The following ITGAE variants were observed in gnomAD, a reference collection of about 807,000 sequenced individuals.
The protein encoded by ITGAE is integrin alpha-E.
A neutral mutation model predicts 136.5 loss-of-function variants in ITGAE; 99 were observed. The observed-to-expected ratio is 0.73, with a 90% CI of 0.62 to 0.86. The LOEUF (loss-of-function observed/expected upper bound fraction) is 0.86, where lower values mean the gene tolerates loss of function less well. ITGAE is among the 40% of genes least tolerant of loss of function. The probability of loss-of-function intolerance (pLI) is 0.00; values close to 1 mark genes in which losing one functional copy is unlikely to be tolerated. For missense variants in ITGAE, 1,447 were observed against 1,515.3 expected (o/e 0.95, Z 0.75); for synonymous variants, 613 against 591.8 (o/e 1.04, Z -0.52).
At chr17:3,723,618 T>C (rs766740921) in intron 27 of ITGAE, 70 bp downstream of exon 27, 322 of 1,433,900 alleles carry the variant, frequency 2.2e-4, no homozygotes, top group Non-Finnish European at 2.9e-4. Context: ...GGAAAAACAG[T>C]CTCCTGGCCT....
chr17:3,739,165 C>T (rs1053982123), intron 20 of ITGAE, among the ~76,000 whole-genome samples: 1 of 152,168 alleles, frequency 6.6e-6, no homozygotes, highest in East Asian at 1.9e-4. Context: ...GTTCCCCTAC[C>T]TCCTCCAGTG....
chr17:3,777,530 C>T lies in ITGAE; in HGVS notation c.155+10G>A. The T allele has an allele frequency of 1.2e-6, 2 of 1,604,440 alleles. No homozygotes were observed. The highest frequency in any genetic ancestry group is 8.5e-7 in the Non-Finnish European group (1 of 1,174,344). On this transcript the variant is annotated intron_variant, in intron 2 of 30. Transcript: ENST00000263087. ...AGTCTGAAGGCCTCTTGCCCACCGG[C>T]CCTACTCACCAGGTCTGGTTGGTGC...
rs1166941829 is a variant in ITGAE at position 3,755,257 on chromosome 17, T to A, written c.1244A>T (p.Gln415Leu). 3 of 1,576,762 alleles carry A rather than the reference T, an allele frequency of 1.9e-6. No homozygotes were observed. Among genetic ancestry groups the A allele is most frequent in the Admixed American group, 1.8e-5 (1 of 55,760 alleles). ...GFSAQILDER[Q>L]VLLGAVGAFD... is the part of the protein sequence containing the mutation. ...GGCCCCGACGGCGCCGAGCAGCACC[T>A]GCCGCTGAAGGGGACGGGGATGGGG... Residue 415 changes from glutamine (Q) to leucine (L), a missense_variant, in exon 12 of 31, where the codon CAG (glutamine) becomes CTG (leucine). Around this residue, in one of 3 missense-constraint regions of ITGAE, gnomAD observed 1,031 missense variants for 1,011.4 expected, o/e 1.02. Coordinates refer to ENST00000263087, the MANE Select transcript of ITGAE (RefSeq NM_002208.5).
At chr17:3,766,885 T>G (rs980231914) in intron 2 of ITGAE, among the ~76,000 whole-genome samples, 114 of 151,652 alleles carry the variant, frequency 7.5e-4, no homozygotes, top group African/African-American at 2.6e-3. Flanking sequence ...TTGTGGTAAC[T>G]TGTTACAGCG....
At position 3,791,023 on chromosome 17, in the gene ITGAE, T is replaced by C. The variant is rs189204420; in HGVS notation, c.34+10088A>G. Among the ~76,000 whole-genome samples, 212 of 151,410 alleles carry C rather than the reference T, an allele frequency of 1.4e-3. 1 individual carries two copies. The highest frequency in any genetic ancestry group is 4.7e-3 in the African/African-American group (196 of 41,320). On this transcript the variant is annotated intron_variant, in intron 1 of 30. Transcript: ENST00000263087. The stretch of plus-strand genomic sequence containing the variant: ...CAAAAAAATTAGCCAGGCGTGGTGG[T>C]GGGCGCCTCTAGTCCCAGCTACTTG...
chr17:3,785,447 C>A (rs1415390738), intron 1 of ITGAE, among the ~76,000 whole-genome samples: 1 of 143,824 alleles, frequency 7.0e-6, no homozygotes, highest in Non-Finnish European at 1.5e-5. Context: ...CCAGCCTAGG[C>A]ACAGAGTGAG....
chr17:3,750,613 G>C (rs1304350055), intron 15 of ITGAE, 131 bp from the exon 16 acceptor site: 2 of 1,071,996 alleles, frequency 1.9e-6, no homozygotes, highest in Non-Finnish European at 2.6e-6. Flanking sequence ...TCTAGAACCA[G>C]GAAAGAGGGA....
Position 3,753,935 on chromosome 17 carries a change from G to T in ITGAE, c.1385-10C>A. 1 of 1,613,354 alleles carries T rather than the reference G, an allele frequency of 6.2e-7. No individual in the cohort carries two copies. ...ACGGCCACAGCGTAACCTGGGGCAA[G>T]GGTGGTGTGGCTGTGAACACACCGT... On this transcript the variant is annotated splice_polypyrimidine_tract_variant and intron_variant, in intron 12 of 30. Transcript: ENST00000263087.
In ITGAE at chr17:3,751,698, C is replaced by A. The variant is rs763919769; in HGVS notation, c.1845G>T (p.Val615=). The A allele has an allele frequency of 1.2e-6, 2 of 1,613,902 alleles. No homozygotes were observed. The highest frequency in any genetic ancestry group is 4.5e-5 in the East Asian group (2 of 44,892). The change falls in exon 15 of 31, where the codon GTG becomes GTT. Residue 615 remains valine, a synonymous_variant. Transcript: ENST00000263087. The stretch of plus-strand genomic sequence containing the variant: ...CGTCCCAGTGTCCATTGTAGATATA[C>A]ACACTGCCGAAGCTGGCACCATCAT... ...GADDGASFGS[V]YIYNGHWDGL... is the part of the protein sequence containing the mutation.
At chr17:3,743,657 T>C in intron 18 of ITGAE, 40 bp from the exon 19 acceptor site, 1 of 1,548,968 alleles carries the variant, frequency 6.5e-7, no homozygotes, top group Non-Finnish European at 8.8e-7. Context: ...GAGTTGGATG[T>C]GGGGGAGAAG....
intron 19 of ITGAE, among the ~76,000 whole-genome samples, chr17:3,743,137 A>C (rs2051625443): frequency 6.6e-6 from 1 of 152,246 alleles, no homozygotes; most frequent in Non-Finnish European, 1.5e-5. Context: ...TCTAGCTCCC[A>C]CAAGGAACCC....
Position 3,765,230 on chromosome 17 carries a change from T to C in ITGAE, c.156-1270A>G, listed in dbSNP as rs373374497. ...CGGGCGTGGTGGCGGGTGCCTGTAG[T>C]CCCAGCTACTCGGGAGCCTGAGGCA... On this transcript the variant is annotated intron_variant, in intron 2 of 30. Transcript: ENST00000263087. Among the ~76,000 whole-genome samples, 738 of 149,742 alleles carry C rather than the reference T, an allele frequency of 4.9e-3. 16 individuals carry two copies. The highest frequency in any genetic ancestry group is 0.017 in the African/African-American group (684 of 40,584).
intron 1 of ITGAE, among the ~76,000 whole-genome samples, chr17:3,794,913 G>A (rs1400584672): frequency 6.6e-6 from 1 of 151,842 alleles, no homozygotes; most frequent in Non-Finnish European, 1.5e-5. Context: ...CTCCTCTCCT[G>A]GGCGTCCGTG....
rs142422219 is a variant in ITGAE, at chr17:3,745,643, G to C, written c.2319+121C>G. The C allele has an allele frequency of 9.0e-5, 92 of 1,021,880 alleles. 1 individual carries two copies. The East Asian group carries it at 2.3e-3, about 26-fold the overall frequency. The allele number at this position is 1,021,880 out of a possible 1,614,324, so 63.3% of individuals were successfully genotyped here. A position where few individuals can be genotyped will look rare whatever the true frequency, so the allele number is the denominator to read the frequency against. On this transcript the variant is annotated intron_variant, in intron 18 of 30. Coordinates refer to ENST00000263087, the MANE Select transcript of ITGAE (RefSeq NM_002208.5). ...AGGCGTGAGCCACCGTGCCTGGCCT[G>C]TTATGATTATTTTAATCACCTCATT...
At chr17:3,730,967 G>A (rs894166460) in intron 23 of ITGAE, 137 bp downstream of exon 23, 1 of 620,434 alleles carries the variant, frequency 1.6e-6, no homozygotes. Context: ...CAGGGAAACA[G>A]ATGCCTTCTG....
At chr17:3,762,648 A>C (rs547685020) in intron 3 of ITGAE, among the ~76,000 whole-genome samples, 1 of 123,616 alleles carries the variant, frequency 8.1e-6, no homozygotes, top group African/African-American at 3.3e-5. Context: ...CCCAGGCTGG[A>C]GTGCAGTGGC....
intron 1 of ITGAE, among the ~76,000 whole-genome samples, chr17:3,782,320 A>C (rs1597364075): frequency 4.9e-5 from 6 of 122,616 alleles, no homozygotes; most frequent in African/African-American, 9.2e-5. Flanking sequence ...TGACCATGCC[A>C]CTCCATTGCT....
At chr17:3,786,359 C>T (rs1486783207) in intron 1 of ITGAE, among the ~76,000 whole-genome samples, 3 of 152,060 alleles carry the variant, frequency 2.0e-5, no homozygotes, top group Admixed American at 2.0e-4. Context: ...GCCCAGATAG[C>T]TTCACTGACG....
intron 21 of ITGAE, 149 bp downstream of exon 21, chr17:3,734,668 G>A (rs757198154): frequency 5.3e-5 from 49 of 921,836 alleles, no homozygotes; most frequent in South Asian, 2.0e-4. Flanking sequence ...CCGGACTGGC[G>A]GGGATTTATC....
Sources: allele counts gnomAD v4.1 joint callset (sites outside exome capture counted in the v4.1 genomes callset), GRCh38; gene constraint gnomAD v4.1.1; regional missense constraint gnomAD v4.1.1; transcripts MANE v1.5; gene names NCBI Gene and HGNC (gene_info 2026-07-23, HGNC 2026-07-21).